The following TERF1 variants were observed in gnomAD, a reference collection of about 807,000 sequenced individuals.
TERF1 encodes telomeric repeat-binding factor 1.
TERF1 carries 20 observed loss-of-function variants against 55.1 expected under a neutral mutation model. That is an observed-to-expected ratio of 0.36 (90% CI 0.26 to 0.53). The LOEUF (loss-of-function observed/expected upper bound fraction) is 0.53, where lower values mean the gene tolerates loss of function less well. Ranked by LOEUF, TERF1 falls within the 20% of genes least tolerant of loss-of-function variation. The pLI is 0.91. For synonymous variants in TERF1, 168 were observed against 181.2 expected (o/e 0.93, Z 0.59); for missense variants, 439 against 535.7 (o/e 0.82, Z 1.78).
chr8:73,032,576 A>AATATAT (rs138668441), intron 8 of TERF1, among the ~76,000 whole-genome samples: 12 of 149,864 alleles, frequency 8.0e-5, no homozygotes, highest in African/African-American at 9.8e-5. Flanking sequence ...TTTCTATATG[A>AATATAT]ATATATATAT....
intron 1 of TERF1, among the ~76,000 whole-genome samples, chr8:73,013,363 G>A (rs989695664): frequency 2.6e-5 from 4 of 152,040 alleles, no homozygotes; most frequent in African/African-American, 9.7e-5. Flanking sequence ...TAGTTCAATC[G>A]CTTGTCTCAT....
At chr8:73,019,923 A>G (rs1406116680) in intron 2 of TERF1, among the ~76,000 whole-genome samples, 1 of 150,562 alleles carries the variant, frequency 6.6e-6, no homozygotes, top group Non-Finnish European at 1.5e-5. Flanking sequence ...AGCCCTTACT[A>G]CTCTGAAACT....
intron 3 of TERF1, among the ~76,000 whole-genome samples, chr8:73,021,167 G>A (rs1380451721): frequency 6.6e-6 from 1 of 152,148 alleles, no homozygotes; most frequent in Non-Finnish European, 1.5e-5. Context: ...TTAGTAGACA[G>A]TAAGTAGCCC....
intron 8 of TERF1, among the ~76,000 whole-genome samples, chr8:73,036,019 G>A (rs1318243911): frequency 6.6e-6 from 1 of 152,196 alleles, no homozygotes; most frequent in Non-Finnish European, 1.5e-5. Flanking sequence ...GATTATTATA[G>A]CAAACAACAT....
At chr8:73,037,594 ACATAT>A (rs1480825401) in intron 8 of TERF1, among the ~76,000 whole-genome samples, 1 of 108,482 alleles carries the variant, frequency 9.2e-6, no homozygotes, top group Non-Finnish European at 1.8e-5. Flanking sequence ...AATATATATA[ACATAT>A]CATAAATTTA....
chr8:73,028,962 C>T (rs1027449954), intron 6 of TERF1, among the ~76,000 whole-genome samples: 1 of 152,146 alleles, frequency 6.6e-6, no homozygotes, highest in African/African-American at 2.4e-5. Flanking sequence ...ACCAGGCATA[C>T]ATTAGAACTT....
chr8:73,033,292 C>T (rs1809371245), intron 8 of TERF1, among the ~76,000 whole-genome samples: 1 of 152,066 alleles, frequency 6.6e-6, no homozygotes, highest in Non-Finnish European at 1.5e-5. Flanking sequence ...AACGGAAACT[C>T]AGTAAAGTTA....
intron 2 of TERF1, among the ~76,000 whole-genome samples, chr8:73,019,904 C>A (rs753583991): frequency 6.6e-5 from 10 of 152,086 alleles, no homozygotes; most frequent in Non-Finnish European, 1.0e-4. Context: ...AACCTTTTTT[C>A]TTTCTTCTAG....
chr8:73,025,537 G>C (rs758393722), intron 5 of TERF1, among the ~76,000 whole-genome samples: 33 of 152,002 alleles, frequency 2.2e-4, no homozygotes, highest in South Asian at 4.2e-4. Context: ...TGAATCACAC[G>C]GTCAGGCGGA....
intron 1 of TERF1, 162 bp from the exon 2 acceptor site, chr8:73,013,733 A>C (rs1166408619): frequency 3.5e-6 from 2 of 579,146 alleles, no homozygotes; most frequent in Non-Finnish European, 6.2e-6. Context: ...CTTCATTGCT[A>C]TTCTTTTTTT....
intron 8 of TERF1, among the ~76,000 whole-genome samples, chr8:73,035,926 T>C (rs1176717051): frequency 6.6e-6 from 1 of 152,224 alleles, no homozygotes; most frequent in Non-Finnish European, 1.5e-5. Context: ...CATAGGGCTT[T>C]ATAAGCAGTA....
intron 5 of TERF1, 141 bp downstream of exon 5, chr8:73,025,112 A>AT (rs1340656063): frequency 6.0e-6 from 3 of 502,220 alleles, no homozygotes; most frequent in Non-Finnish European, 9.8e-6. Context: ...AAAATGTTAC[A>AT]TTTTGTGGAC....
At chr8:73,012,665 CTG>C (rs1586025595) in intron 1 of TERF1, among the ~76,000 whole-genome samples, 2 of 150,580 alleles carry the variant, frequency 1.3e-5, no homozygotes, top group Non-Finnish European at 3.0e-5. Context: ...GAGCGTGACT[CTG>C]TCTCAAAAAA....
At chr8:73,012,802 T>A (rs1808338607) in intron 1 of TERF1, 1 of 416,048 alleles carries the variant, frequency 2.4e-6, no homozygotes, top group African/African-American at 2.1e-5. Flanking sequence ...GTGGTACTCA[T>A]TAAAATTTTA....
At chr8:73,027,937 C>G (rs188994087) in intron 6 of TERF1, among the ~76,000 whole-genome samples, 1 of 152,240 alleles carries the variant, frequency 6.6e-6, no homozygotes, top group East Asian at 1.9e-4. Context: ...ATTGTTCCTG[C>G]CTGTCAAAGC....
In TERF1 at chr8:73,024,899, C is replaced by T. The variant is rs762642007; in HGVS notation, c.702C>T (p.Asn234=). ...FHSFFQHFSY[N]HMMEKIKSYV... ...CCTTTTTTCAACACTTCAGCTACAA[C>T]CACATGATGGAGAAAATTAAGAGTT... is the stretch of plus-strand genomic sequence containing the variant. Residue 234 remains asparagine (N), a synonymous_variant, in exon 5 of 10, where the codon AAC becomes AAT. Coordinates refer to ENST00000276603, the MANE Select transcript of TERF1 (RefSeq NM_017489.3). The T allele has an allele frequency of 2.0e-5, 32 of 1,584,074 alleles. 1 individual carries two copies. The South Asian group carries it at 3.3e-4, about 16-fold the overall frequency.
At chr8:73,036,127 C>T (rs1048467842) in intron 8 of TERF1, among the ~76,000 whole-genome samples, 1 of 152,224 alleles carries the variant, frequency 6.6e-6, no homozygotes, top group Non-Finnish European at 1.5e-5. Context: ...TATATTTCAG[C>T]TGAGGAAAAC....
intron 1 of TERF1, chr8:73,010,520 T>G (rs984746351): frequency 6.6e-6 from 1 of 152,210 alleles, no homozygotes; most frequent in African/African-American, 2.4e-5. Context: ...AAATATGTAT[T>G]TCCTTACTCT....
Position 73,008,884 on chromosome 8 carries a change from A to C in TERF1, c.-3A>C. 1 of 1,602,014 alleles carries C rather than the reference A, an allele frequency of 6.2e-7. No individual in the cohort carries two copies. The highest frequency in any genetic ancestry group is 8.5e-7 in the Non-Finnish European group (1 of 1,175,104). Reference sequence around the variant, plus strand: ...GGGGCAGTACCCAAGCGAGCCATTTAACATGGCGGAGGATGTTTCCTCAGC... The same window carrying C: ...GGGGCAGTACCCAAGCGAGCCATTTCACATGGCGGAGGATGTTTCCTCAGC... On this transcript the variant is annotated 5_prime_UTR_variant, in exon 1 of 10. Coordinates refer to ENST00000276603, the MANE Select transcript of TERF1 (RefSeq NM_017489.3).
Sources: gnomAD v4.1 joint callset for allele counts (sites outside exome capture counted in the v4.1 genomes callset) on GRCh38, gnomAD v4.1.1 for gene constraint, MANE v1.5 for transcripts, NCBI Gene and HGNC (gene_info 2026-07-23, HGNC 2026-07-21) for gene names.